Variants in CD300A observed in about 807,000 individuals in gnomAD.
The protein encoded by CD300A is CD300a molecule.
A neutral mutation model predicts 33.6 loss-of-function variants in CD300A; 22 were observed. That is an observed-to-expected ratio of 0.66 (90% CI 0.47 to 0.94). The LOEUF is 0.94. Among genes scored for constraint, CD300A ranks in the 40% least tolerant of loss-of-function variants. The pLI is 0.00. For synonymous variants in CD300A, 136 were observed against 148.1 expected, an observed-to-expected ratio of 0.92 and a Z score of 0.59; for missense variants, 326 against 360.5, an observed-to-expected ratio of 0.90 and a Z score of 0.77.
intron 4 of CD300A, among the ~76,000 whole-genome samples, chr17:74,478,817 G>A (rs919481145): frequency 3.3e-5 from 5 of 152,308 alleles, no homozygotes; most frequent in South Asian, 2.1e-4. Context: ...CTCCTGTGGC[G>A]CCCAGGCTTT....
chr17:74,479,665 G>A (rs556115387), intron 4 of CD300A, among the ~76,000 whole-genome samples: 1 of 152,252 alleles, frequency 6.6e-6, no homozygotes, highest in Non-Finnish European at 1.5e-5. Context: ...GTTTACTGGT[G>A]TCTTAAGCTT....
chr17:74,480,837 T>C lies in CD300A; in HGVS notation c.629-452T>C, dbSNP rs1598108212. 6.6e-6 allele frequency among the ~76,000 whole-genome samples: 1 copy of C among 152,324 alleles called. No individual in the cohort carries two copies. Among genetic ancestry groups the C allele is most frequent in the East Asian group, 1.9e-4 (1 of 5,180 alleles). On this transcript the variant is annotated intron_variant, in intron 4 of 6. Transcript: ENST00000360141. The surrounding 1 kb of genome is among the most constrained non-coding windows in gnomAD (Gnocchi z 4.2). ...ATCTCAGCTCACTGCAACCTCCGTC[T>C]CCCAGGTTCAAGCGATTCTCCTGTC...
chr17:74,481,504 C>T (rs1226860724), intron 5 of CD300A, 178 bp downstream of exon 5: 3 of 664,342 alleles, frequency 4.5e-6, no homozygotes, highest in Non-Finnish European at 7.8e-6. Context: ...TCCTGGCCAG[C>T]CTGTCCCCTC....
chr17:74,482,531 G>A (rs984464199), intron 6 of CD300A, among the ~76,000 whole-genome samples: 3 of 151,362 alleles, frequency 2.0e-5, no homozygotes, highest in Non-Finnish European at 4.4e-5. Context: ...CCAGGCCGCC[G>A]TTTTGCACCT....
At chr17:74,476,909 CATTCGT>C (rs1397106158) in intron 3 of CD300A, among the ~76,000 whole-genome samples, 29 of 152,070 alleles carry the variant, frequency 1.9e-4, no homozygotes, top group African/African-American at 7.0e-4. Flanking sequence ...AGATCCCGTA[CATTCGT>C]ATTTGCTTGT....
chr17:74,471,967 G>T (rs1250952685), intron 1 of CD300A, among the ~76,000 whole-genome samples: 1 of 152,114 alleles, frequency 6.6e-6, no homozygotes, highest in Admixed American at 6.6e-5. Flanking sequence ...CTGGCCAGGC[G>T]CAGTAGCTCA....
chr17:74,481,505 C>A (rs1292242369), intron 5 of CD300A, 179 bp downstream of exon 5: 1 of 665,314 alleles, frequency 1.5e-6, no homozygotes, highest in Non-Finnish European at 2.6e-6. Flanking sequence ...CCTGGCCAGC[C>A]TGTCCCCTCC....
chr17:74,477,636 A>G, intron 4 of CD300A, 106 bp downstream of exon 4: 1 of 661,458 alleles, frequency 1.5e-6, no homozygotes. Context: ...TTGCTATGAC[A>G]TGTGACACCC....
chr17:74,472,128 C>G (rs1025134886), intron 1 of CD300A, among the ~76,000 whole-genome samples: 23 of 151,794 alleles, frequency 1.5e-4, no homozygotes, highest in African/African-American at 5.6e-4. Context: ...ATCCTAGCTA[C>G]TCGGTAGGCT....
rs751413496 is a variant in CD300A, at chr17:74,473,696, A to G, written c.201A>G (p.Ser67=). The G allele has an allele frequency of 3.7e-6, 6 of 1,614,160 alleles. No individual in the cohort carries two copies. Among genetic ancestry groups the G allele is most frequent in the Non-Finnish European group, 5.1e-6 (6 of 1,180,056 alleles). Residue 67 remains serine, a synonymous_variant, in exon 2 of 7, where the codon TCA becomes TCG. Coordinates refer to ENST00000360141, the MANE Select transcript of CD300A (RefSeq NM_007261.4). The part of the protein sequence containing the change: ...LCDKIVETKG[S]AGKRNGRVSI... ...ACAAGATTGTGGAGACCAAAGGGTC[A>G]GCAGGAAAAAGGAACGGCCGAGTGT...
chr17:74,484,403 G>T lies in CD300A; in HGVS notation c.*277G>T, dbSNP rs1345617393. On this transcript the variant is annotated 3_prime_UTR_variant, in exon 7 of 7. Transcript: ENST00000360141. ...TTTGCCCCTGCTTCATCCCAGCTCT[G>T]TGTGTGGAGGACAAAGCTTCTTCCT... 2 of 286,066 alleles carry T rather than the reference G, an allele frequency of 7.0e-6. No homozygotes were observed. The highest frequency in any genetic ancestry group is 1.4e-5 in the Non-Finnish European group (2 of 147,738). The allele number at this position is 286,066 out of a possible 1,614,324, so 17.7% of individuals were successfully genotyped here. A position where few individuals can be genotyped will look rare whatever the true frequency, so the allele number is the denominator to read the frequency against.
chr17:74,470,148 T>A, intron 1 of CD300A: 1 of 985,374 alleles, frequency 1.0e-6, no homozygotes, highest in Non-Finnish European at 1.2e-6. Context: ...CTCCTGTTTA[T>A]GATTAGAGGG....
rs1906263869 is a variant in CD300A at position 74,473,713 on chromosome 17, G to C, written c.218G>C (p.Gly73Ala). ...AAAGGGTCAGCAGGAAAAAGGAACG[G>C]CCGAGTGTCCATCAGGGACAGTCCT... ...ETKGSAGKRN[G>A]RVSIRDSPAN... Residue 73 changes from glycine to alanine, a missense_variant, in exon 2 of 7, where the codon GGC (glycine) becomes GCC (alanine). Coordinates refer to ENST00000360141, the MANE Select transcript of CD300A (RefSeq NM_007261.4). The C allele has an allele frequency of 6.2e-7, 1 of 1,614,118 alleles. No individual in the cohort carries two copies. The highest frequency in any genetic ancestry group is 1.3e-5 in the African/African-American group (1 of 74,938).
chr17:74,467,253 G>A (rs1287185456), intron 1 of CD300A, among the ~76,000 whole-genome samples: 1 of 151,286 alleles, frequency 6.6e-6, no homozygotes, highest in Non-Finnish European at 1.5e-5. Flanking sequence ...GGGTCGGGGT[G>A]GGGAGCAGAT....
rs1049786864 is a variant in CD300A, at chr17:74,480,163, C to T, written c.629-1126C>T. Among the ~76,000 whole-genome samples, 16 of 152,152 alleles carry T rather than the reference C, an allele frequency of 1.1e-4. No individual in the cohort carries two copies. Among genetic ancestry groups the T allele is most frequent in the African/African-American group, 3.9e-4 (16 of 41,424 alleles). On this transcript the variant is annotated intron_variant, in intron 4 of 6. Coordinates refer to ENST00000360141, the MANE Select transcript of CD300A (RefSeq NM_007261.4). This position sits in a 1 kb window ranked among gnomAD's most constrained non-coding sequence, Gnocchi z 4.2. Reference sequence around the variant, plus strand: ...ACTTGGAAGCAGGGCACTTCGCACCCCAGAGTACCCGGCTGCGCACTCCAT... The same window carrying T: ...ACTTGGAAGCAGGGCACTTCGCACCTCAGAGTACCCGGCTGCGCACTCCAT...
Position 74,473,639 on chromosome 17 carries a change from C to T in CD300A, c.144C>T (p.Tyr48=). ...AGGAACACAGGACCCTCAACAAATACTGGTGCAGACCACCACAGATTTTCC... is the reference window on the plus strand; with the variant it reads ...AGGAACACAGGACCCTCAACAAATATTGGTGCAGACCACCACAGATTTTCC... ...YEKEHRTLNK[Y]WCRPPQIFLC... Residue 48 remains tyrosine, a synonymous_variant, in exon 2 of 7, where the codon TAC becomes TAT. Transcript: ENST00000360141. 1.9e-6 allele frequency: 3 copies of T among 1,614,250 alleles called. No homozygotes were observed. Among genetic ancestry groups the T allele is most frequent in the South Asian group, 2.2e-5 (2 of 91,090 alleles).
At chr17:74,481,483 C>A in intron 5 of CD300A, 157 bp downstream of exon 5, 2 of 723,744 alleles carry the variant, frequency 2.8e-6, no homozygotes, top group South Asian at 3.4e-5. Flanking sequence ...GTCACTAGGT[C>A]TTGTTCTGAG....
At chr17:74,473,463 C>T (rs879430993) in intron 1 of CD300A, 73 bp from the exon 2 acceptor site, 166 of 1,416,130 alleles carry the variant, frequency 1.2e-4, no homozygotes, top group South Asian at 1.6e-4. Context: ...AGGGTCCATG[C>T]GGCCCTGACC....
At chr17:74,483,636 C>A (rs549258474) in intron 6 of CD300A, among the ~76,000 whole-genome samples, 1 of 152,296 alleles carries the variant, frequency 6.6e-6, no homozygotes, top group African/African-American at 2.4e-5. Flanking sequence ...GGATTAAGGG[C>A]GTGAGCCACT....
Sources: gnomAD v4.1 joint callset for allele counts (sites outside exome capture counted in the v4.1 genomes callset) on GRCh38, gnomAD v4.1.1 for gene constraint, Gnocchi (gnomAD v3.1) non-coding constraint, MANE v1.5 for transcripts, NCBI Gene and HGNC (gene_info 2026-07-23, HGNC 2026-07-21) for gene names.